Variants in SH3PXD2B observed in about 807,000 individuals in gnomAD.
SH3PXD2B encodes the protein SH3 and PX domain-containing protein 2B.
A neutral mutation model predicts 73.1 loss-of-function variants in SH3PXD2B; 37 were observed. That is an observed-to-expected ratio of 0.51 (90% confidence interval 0.39 to 0.67). The LOEUF is 0.67. Ranked by LOEUF, SH3PXD2B falls within the 30% of genes least tolerant of loss-of-function variation. The pLI is 0.00. For synonymous variants in SH3PXD2B, 457 were observed against 480.5 expected, an observed-to-expected ratio of 0.95 and a Z score of 0.64; for missense variants, 1,053 against 1,197.8, an observed-to-expected ratio of 0.88 and a Z score of 1.78.
At chr5:172,408,882 T>C (rs1025675230) in intron 2 of SH3PXD2B, among the ~76,000 whole-genome samples, 4 of 152,074 alleles carry the variant, frequency 2.6e-5, no homozygotes, top group African/African-American at 9.7e-5. Flanking sequence ...AATTTTTAAT[T>C]GACACATAAT....
chr5:172,415,730 G>T (rs1052790369), intron 2 of SH3PXD2B, among the ~76,000 whole-genome samples: 1 of 152,200 alleles, frequency 6.6e-6, no homozygotes, highest in African/African-American at 2.4e-5. Flanking sequence ...CATCCCCAGT[G>T]CTCTGCCTGG....
chr5:172,338,941 T>G lies in SH3PXD2B; in HGVS notation c.2164A>C (p.Lys722Gln). The G allele has an allele frequency of 1.2e-6, 2 of 1,614,154 alleles. No homozygotes were observed. The highest frequency in any genetic ancestry group is 1.7e-6 in the Non-Finnish European group (2 of 1,179,978). ...RTGKQDGLSP[K>Q]EISCRAPPRP... ...GGAGGGGCTCTGCAGGAAATCTCTT[T>G]TGGGCTGAGACCATCCTGTTTGCCC... The change falls in exon 13 of 13, where the codon AAA (lysine) becomes CAA (glutamine). Residue 722 changes from lysine (K) to glutamine (Q), a missense_variant. Coordinates refer to ENST00000311601, the MANE Select transcript of SH3PXD2B (RefSeq NM_001017995.3). The surrounding 1 kb of genome is among the most constrained non-coding windows in gnomAD (Gnocchi z 5.1).
At chr5:172,357,423 CAAA>C (rs1046224679) in intron 8 of SH3PXD2B, among the ~76,000 whole-genome samples, 1 of 127,856 alleles carries the variant, frequency 7.8e-6, no homozygotes. Flanking sequence ...GACTCTGTCT[CAAA>C]AAAAAAAAAG....
At chr5:172,400,366 GA>G (rs1173669897) in intron 3 of SH3PXD2B, among the ~76,000 whole-genome samples, 2 of 152,230 alleles carry the variant, frequency 1.3e-5, no homozygotes, top group Non-Finnish European at 2.9e-5. Flanking sequence ...TCCTCTGGCA[GA>G]AGGGAATGCC....
intron 12 of SH3PXD2B, among the ~76,000 whole-genome samples, chr5:172,345,046 G>A (rs1485532206): frequency 1.3e-5 from 2 of 150,350 alleles, no homozygotes; most frequent in East Asian, 3.9e-4. Context: ...AGAAGGGAAG[G>A]AAAACAAAGG....
chr5:172,391,644 GT>G (rs1390785988), intron 4 of SH3PXD2B, among the ~76,000 whole-genome samples: 1 of 152,102 alleles, frequency 6.6e-6, no homozygotes, highest in Non-Finnish European at 1.5e-5. Context: ...TGTATTTTTA[GT>G]AGAGATGAGG....
intron 1 of SH3PXD2B, among the ~76,000 whole-genome samples, chr5:172,429,221 T>C (rs892002): frequency 0.38 from 57,626 of 152,046 alleles, 11,588 homozygotes; most frequent in East Asian, 0.7. Context: ...GCCTTTGGTC[T>C]GTAGAAAGGG....
At position 172,392,738 on chromosome 5, in the gene SH3PXD2B, T is replaced by C. The variant is rs573618296; in HGVS notation, c.309+1825A>G. ...AGGCGGAGGTTGTAGTGAGCCGAGA[T>C]GGCGCCACGGCACTCCAGCCTGGGC... is the stretch of plus-strand genomic sequence containing the variant. On this transcript the variant is annotated intron_variant, in intron 4 of 12. Coordinates refer to ENST00000311601, the MANE Select transcript of SH3PXD2B (RefSeq NM_001017995.3). Among the ~76,000 whole-genome samples, 19 of 152,242 alleles carry C rather than the reference T, an allele frequency of 1.2e-4. No homozygotes were observed. The South Asian group carries it at 3.9e-3, about 32-fold the overall frequency.
At chr5:172,325,723 C>T (rs1404806938) in intron 12 of SH3PXD2B, among the ~76,000 whole-genome samples, 2 of 152,156 alleles carry the variant, frequency 1.3e-5, no homozygotes, top group East Asian at 1.9e-4. Context: ...GAGGGAGGGG[C>T]CCTCCTGGCC....
intron 1 of SH3PXD2B, among the ~76,000 whole-genome samples, chr5:172,450,370 T>C (rs1759769005): frequency 6.6e-6 from 1 of 152,074 alleles, no homozygotes; most frequent in Non-Finnish European, 1.5e-5. Flanking sequence ...GCTTTATTTC[T>C]TAAAAATAAA....
At chr5:172,399,254 C>T (rs1044630800) in intron 3 of SH3PXD2B, among the ~76,000 whole-genome samples, 1 of 152,190 alleles carries the variant, frequency 6.6e-6, no homozygotes, top group Non-Finnish European at 1.5e-5. Flanking sequence ...AACCAAAGAT[C>T]AGCCCATTCC....
chr5:172,348,694 T>TC lies in SH3PXD2B; in HGVS notation c.1013-1363dup, dbSNP rs5873317. ...ATCTATCTATCTATCTATCTATCTA[T>TC]CTATCTATCTATCTATTTATTTATT... On this transcript the variant is annotated intron_variant, in intron 10 of 12. Transcript: ENST00000311601. Among the ~76,000 whole-genome samples the TC allele has an allele frequency of 3.4e-3, 138 of 40,108 alleles. No individual in the cohort carries two copies. In the South Asian group the frequency reaches 0.036, roughly 10 times the overall value. 26.3% of individuals were successfully genotyped at this position (40,108 alleles called of 152,430 possible).
intron 8 of SH3PXD2B, 72 bp from the exon 9 acceptor site, chr5:172,354,077 G>T: frequency 7.1e-7 from 1 of 1,411,146 alleles, no homozygotes; most frequent in Non-Finnish European, 1.0e-6. Flanking sequence ...TCCCCGTGAT[G>T]CCCTTGCCCG....
At position 172,339,779 on chromosome 5, in the gene SH3PXD2B, G is replaced by A. The variant is rs201324424; in HGVS notation, c.1326C>T (p.His442=). ...CCCCCAGCCGGAGCTGGGTCACCTC[G>A]TGGGGCAGGGGAGCCAGAAAGTTGG... The part of the protein sequence containing the change: ...SRPNFLAPLP[H]EVTQLRLGEA... The change falls in exon 13 of 13, where the codon CAC becomes CAT. Residue 442 remains histidine (H), a synonymous_variant. Coordinates refer to ENST00000311601, the MANE Select transcript of SH3PXD2B (RefSeq NM_001017995.3). The surrounding 1 kb of genome is among the most constrained non-coding windows in gnomAD (Gnocchi z 6.1). The A allele has an allele frequency of 1.1e-4, 175 of 1,613,130 alleles. No individual in the cohort carries two copies. Among genetic ancestry groups the A allele is most frequent in the Middle Eastern group, 3.3e-4 (2 of 6,080 alleles).
chr5:172,331,159 C>A (rs1036333754), downstream of SH3PXD2B, among the ~76,000 whole-genome samples: 10 of 152,158 alleles, frequency 6.6e-5, no homozygotes, highest in East Asian at 5.8e-4. Flanking sequence ...TGCATCGCTG[C>A]ACTCCAGCTT....
At chr5:172,389,313 C>CA (rs1211452034) in intron 4 of SH3PXD2B, among the ~76,000 whole-genome samples, 1 of 151,934 alleles carries the variant, frequency 6.6e-6, no homozygotes, top group Admixed American at 6.6e-5. Context: ...TTTGGCCTCC[C>CA]AAAATGCTGG....
downstream of SH3PXD2B, among the ~76,000 whole-genome samples, chr5:172,329,636 C>T (rs1247864901): frequency 2.7e-5 from 4 of 150,022 alleles, no homozygotes; most frequent in Non-Finnish European, 1.5e-5. Context: ...CTTCCGGGTT[C>T]AAGCAATTCT....
At chr5:172,379,230 A>G (rs1011579968) in intron 5 of SH3PXD2B, among the ~76,000 whole-genome samples, 4 of 151,410 alleles carry the variant, frequency 2.6e-5, no homozygotes, top group Non-Finnish European at 5.9e-5. Flanking sequence ...TTATGAGAAG[A>G]CACAAAGGTA....
At chr5:172,345,974 T>C (rs937345221) in intron 12 of SH3PXD2B, among the ~76,000 whole-genome samples, 162 bp downstream of exon 12, 5 of 152,200 alleles carry the variant, frequency 3.3e-5, no homozygotes, top group Admixed American at 1.3e-4. Flanking sequence ...CGCTGAATTT[T>C]ACACTTAAAA....
Sources: gnomAD v4.1 joint callset for allele counts (sites outside exome capture counted in the v4.1 genomes callset) on GRCh38, gnomAD v4.1.1 for gene constraint, Gnocchi (gnomAD v3.1) non-coding constraint, MANE v1.5 for transcripts, NCBI Gene and HGNC (gene_info 2026-07-23, HGNC 2026-07-21) for gene names.